The following ARHGEF9 variants were observed in gnomAD, a reference collection of about 807,000 sequenced individuals.
The protein encoded by ARHGEF9 is Cdc42 guanine nucleotide exchange factor 9.
ARHGEF9 carries 2 observed loss-of-function variants against 41.3 expected under a neutral mutation model. The ratio of observed to expected loss-of-function variants is 0.05; its 90% CI spans 0.02 to 0.15. ARHGEF9 has a LOEUF of 0.15. Among genes scored for constraint, ARHGEF9 ranks in the 10% least tolerant of loss-of-function variants. The pLI is 1.00. For missense variants in ARHGEF9, 225 were observed against 424.7 expected (o/e 0.53, Z 4.13); for synonymous variants, 160 against 154.4 (o/e 1.04, Z -0.27).
intron 2 of ARHGEF9, among the ~76,000 whole-genome samples, chrX:63,711,660 T>A (rs1320031131): frequency 1.8e-5 from 2 of 111,751 alleles, no homozygotes; most frequent in African/African-American, 6.5e-5. Flanking sequence ...TAAATCAAAA[T>A]GGATGAAATA....
chrX:63,708,140 A>C (rs1462566162), intron 2 of ARHGEF9, among the ~76,000 whole-genome samples: 1 of 111,537 alleles, frequency 9.0e-6, no homozygotes, highest in African/African-American at 3.3e-5. Flanking sequence ...GGGCAAAAAA[A>C]AAAAGTGATT....
At chrX:63,654,287 G>A (rs782541168) in intron 8 of ARHGEF9, among the ~76,000 whole-genome samples, 5 of 111,867 alleles carry the variant, frequency 4.5e-5, no homozygotes, top group Admixed American at 1.9e-4. Context: ...GAGACATTGT[G>A]TTAGAGCCAA....
intron 8 of ARHGEF9, among the ~76,000 whole-genome samples, chrX:63,649,414 A>G (rs1466931352): frequency 9.0e-6 from 1 of 110,866 alleles, no homozygotes; most frequent in African/African-American, 3.3e-5. Context: ...ACAACATACC[A>G]GAATCTCTGG....
chrX:63,653,660 G>A (rs2048693053), intron 8 of ARHGEF9, among the ~76,000 whole-genome samples: 1 of 111,157 alleles, frequency 9.0e-6, no homozygotes, highest in South Asian at 3.8e-4. Context: ...CATGAGATAA[G>A]TATGGAAAGA....
chrX:63,749,748 C>T (rs1456164214), intron 1 of ARHGEF9, among the ~76,000 whole-genome samples: 1 of 112,456 alleles, frequency 8.9e-6, no homozygotes, highest in African/African-American at 3.2e-5. Context: ...ACGCTATAGG[C>T]CCGTGCACTG....
At chrX:63,664,478 T>A (rs1184111631) in intron 7 of ARHGEF9, among the ~76,000 whole-genome samples, 1 of 112,445 alleles carries the variant, frequency 8.9e-6, no homozygotes, top group Admixed American at 9.4e-5. Flanking sequence ...TTGTTCTGAG[T>A]GTAAACACCT....
chrX:63,675,762 A>G (rs2050225221), intron 5 of ARHGEF9, among the ~76,000 whole-genome samples: 1 of 111,476 alleles, frequency 9.0e-6, no homozygotes, highest in Admixed American at 9.5e-5. Context: ...AGAGTTACAT[A>G]TCCTATCCAG....
At chrX:63,645,408 G>T (rs1461567048) in intron 8 of ARHGEF9, among the ~76,000 whole-genome samples, 66 of 110,698 alleles carry the variant, frequency 6.0e-4, no homozygotes, top group Non-Finnish European at 1.0e-3. Context: ...GCCCCAGTGT[G>T]TGATGTTCCC....
intron 1 of ARHGEF9, among the ~76,000 whole-genome samples, chrX:63,729,185 C>CAGG (rs1216194639): frequency 9.0e-5 from 10 of 111,147 alleles, no homozygotes; most frequent in Non-Finnish European, 1.9e-4. Context: ...GGGGGGCCAG[C>CAGG]AGGACATGCA....
chrX:63,726,456 G>A (rs1422523327), intron 1 of ARHGEF9, among the ~76,000 whole-genome samples: 5 of 111,197 alleles, frequency 4.5e-5, no homozygotes, highest in Non-Finnish European at 7.5e-5. Flanking sequence ...CTGGTGTCTC[G>A]GCCTCCCAAG....
intron 3 of ARHGEF9, among the ~76,000 whole-genome samples, chrX:63,699,142 A>G (rs2051977364): frequency 8.9e-6 from 1 of 111,880 alleles, no homozygotes; most frequent in Admixed American, 9.5e-5. Context: ...ACAATGGAGC[A>G]GGGAGAGCAG....
intron 1 of ARHGEF9, among the ~76,000 whole-genome samples, chrX:63,757,224 A>G (rs1330390224): frequency 9.0e-6 from 1 of 111,269 alleles, no homozygotes; most frequent in Admixed American, 9.6e-5. Context: ...TTGAACTACC[A>G]TCTACATTGC....
rs1376509576 is a variant in ARHGEF9 at position 63,649,410 on chromosome X, T to C, written c.1322-5362A>G. 1.1e-3 allele frequency among the ~76,000 whole-genome samples: 125 copies of C among 110,338 alleles called. 1 individual carries two copies. Among genetic ancestry groups the C allele is most frequent in the African/African-American group, 4.0e-3 (122 of 30,337 alleles). On this transcript the variant is annotated intron_variant, in intron 8 of 9. Transcript: ENST00000671741. Reference sequence around the variant, plus strand: ...AACCAATGAGAACAAAGACACAACATACCAGAATCTCTGGGACACATTCAA... The same window carrying C: ...AACCAATGAGAACAAAGACACAACACACCAGAATCTCTGGGACACATTCAA...
In ARHGEF9 at chrX:63,637,251, A is replaced by G; in HGVS notation, c.*777T>C. 3.4e-6 allele frequency: 1 copy of G among 297,709 alleles called. No individual in the cohort carries two copies. Among genetic ancestry groups the G allele is most frequent in the Non-Finnish European group, 5.9e-6 (1 of 170,420 alleles). The allele number at this position is 297,709 out of a possible 1,213,427, so 24.5% of individuals were successfully genotyped here. Reference sequence around the variant, plus strand: ...TCCCTGAACAGAAGTCCACTCCAGCATCATCATAGTCTGATACTCCCTTGC... The same window carrying G: ...TCCCTGAACAGAAGTCCACTCCAGCGTCATCATAGTCTGATACTCCCTTGC... On this transcript the variant is annotated 3_prime_UTR_variant, in exon 10 of 10. Transcript: ENST00000671741.
chrX:63,782,642 T>C (rs1220019595), intron 1 of ARHGEF9, among the ~76,000 whole-genome samples: 2 of 112,527 alleles, frequency 1.8e-5, no homozygotes, highest in East Asian at 2.8e-4. Flanking sequence ...ATCTCACTGT[T>C]ATAAAAAGCT....
chrX:63,744,054 A>G (rs1475215527), intron 1 of ARHGEF9, among the ~76,000 whole-genome samples: 1 of 112,237 alleles, frequency 8.9e-6, no homozygotes, highest in Non-Finnish European at 1.9e-5. Flanking sequence ...AATGAGGGAC[A>G]GAGACAATGG....
At chrX:63,749,301 G>A (rs782635172) in intron 1 of ARHGEF9, among the ~76,000 whole-genome samples, 1 of 110,623 alleles carries the variant, frequency 9.0e-6, no homozygotes, top group Non-Finnish European at 1.9e-5. Flanking sequence ...GCATGATCTC[G>A]GCTCACTGCA....
intron 8 of ARHGEF9, among the ~76,000 whole-genome samples, chrX:63,652,967 C>T (rs1426247921): frequency 1.8e-5 from 2 of 111,356 alleles, no homozygotes; most frequent in African/African-American, 6.5e-5. Flanking sequence ...TTCCCCTTTG[C>T]CTTCTACTAT....
intron 8 of ARHGEF9, among the ~76,000 whole-genome samples, chrX:63,644,748 CTATTAT>C (rs1302445866): frequency 7.8e-5 from 8 of 103,074 alleles, no homozygotes; most frequent in African/African-American, 3.1e-4. Flanking sequence ...GAATCGCCTT[CTATTAT>C]TATTATTATT....
Sources: allele counts gnomAD v4.1 joint callset (sites outside exome capture counted in the v4.1 genomes callset), GRCh38; gene constraint gnomAD v4.1.1; transcripts MANE v1.5; gene names NCBI Gene and HGNC (gene_info 2026-07-23, HGNC 2026-07-21).